The following CCL16 variants were observed in gnomAD, a reference collection of about 807,000 sequenced individuals.
The protein encoded by CCL16 is C-C motif chemokine ligand 16.
CCL16 carries 6 observed loss-of-function variants against 7.5 expected under a neutral mutation model. The ratio of observed to expected loss-of-function variants is 0.80; its 90% CI spans 0.44 to 1.57. The LOEUF (loss-of-function observed/expected upper bound fraction) is 1.57. CCL16 is among the 40% of genes most tolerant of loss of function. CCL16 has a pLI of 0.01. For missense variants in CCL16, 134 were observed against 142.9 expected (o/e 0.94, Z 0.32); for synonymous variants, 60 against 57.7 (o/e 1.04, Z -0.18).
chr17:35,980,879 C>T (rs912886342), intron 1 of CCL16, among the ~76,000 whole-genome samples: 1 of 152,182 alleles, frequency 6.6e-6, no homozygotes, highest in Non-Finnish European at 1.5e-5. Context: ...CTGTGCCAGC[C>T]ATGTTGAGGA....
At chr17:35,979,141 AAG>A (rs991257767) in intron 1 of CCL16, among the ~76,000 whole-genome samples, 2 of 138,664 alleles carry the variant, frequency 1.4e-5, no homozygotes, top group Non-Finnish European at 3.1e-5. Flanking sequence ...AAAAAAAAAA[AAG>A]GATTTAGACA....
rs928640914 is a variant in CCL16, at chr17:35,976,959, C to T, written c.*607G>A. The T allele has an allele frequency of 3.3e-5, 5 of 152,296 alleles. No individual in the cohort carries two copies. Among genetic ancestry groups the T allele is most frequent in the Non-Finnish European group, 5.9e-5 (4 of 68,200 alleles). 9.4% of individuals were successfully genotyped at this position (152,296 alleles called of 1,614,324 possible). ...CTAAGTATTTAGAATGGCTTGTGTA[C>T]TGGTGTGAAGTGAGGAATTGAAAGA... On this transcript the variant is annotated 3_prime_UTR_variant, in exon 3 of 3. Coordinates refer to ENST00000611905, the MANE Select transcript of CCL16 (RefSeq NM_004590.4).
In CCL16 at chr17:35,978,282, A is replaced by G; in HGVS notation, c.77-19T>C. 8 of 1,614,166 alleles carry G rather than the reference A, an allele frequency of 5.0e-6. No individual in the cohort carries two copies. The highest frequency in any genetic ancestry group is 6.8e-6 in the Non-Finnish European group (8 of 1,179,992). On this transcript the variant is annotated intron_variant, in intron 1 of 2. Coordinates refer to ENST00000611905, the MANE Select transcript of CCL16 (RefSeq NM_004590.4). ...GGAACTTCTGAAGGAATCACATTGC[A>G]AGCTGAGCCAGGGAAGCAGAGGGGA...
In CCL16 at chr17:35,978,166, G is replaced by A. The variant is rs780155359; in HGVS notation, c.174C>T (p.Leu58=). The part of the protein sequence containing the change: ...RRLVVGYRKA[L]NCHLPAIIFV... Reference sequence around the variant, plus strand: ...ACATGATTGCTGGCAGGTGACAGTTGAGGGCCTTTCTGTATCCCACCACTA... The same window carrying A: ...ACATGATTGCTGGCAGGTGACAGTTAAGGGCCTTTCTGTATCCCACCACTA... Residue 58 remains leucine, a synonymous_variant, in exon 2 of 3, where the codon CTC becomes CTT. Transcript: ENST00000611905. The A allele has an allele frequency of 4.3e-6, 7 of 1,614,074 alleles. No homozygotes were observed. The highest frequency in any genetic ancestry group is 5.9e-6 in the Non-Finnish European group (7 of 1,180,042).
chr17:35,981,057 T>G (rs1226552918), intron 1 of CCL16, among the ~76,000 whole-genome samples: 1 of 152,124 alleles, frequency 6.6e-6, no homozygotes, highest in Non-Finnish European at 1.5e-5. Context: ...CATTTTCTGC[T>G]GCTTTCTTGG....
rs1169139529 is a variant in CCL16, at chr17:35,981,386, A to G, written c.35T>C (p.Val12Ala). ...KVSEAALSLL[V>A]LILIITSASR... ...AGCCGAAGTAATGATAAGGATGAGG[A>G]CAAGGAGAGACAGGGCAGCCTCGGA... The change falls in exon 1 of 3, where the codon GTC becomes GCC. Residue 12 changes from valine to alanine, a missense_variant. Transcript: ENST00000611905. 4 of 1,613,036 alleles carry G rather than the reference A, an allele frequency of 2.5e-6. No individual in the cohort carries two copies. Among genetic ancestry groups the G allele is most frequent in the African/African-American group, 1.3e-5 (1 of 75,012 alleles).
At chr17:35,977,806 C>A in intron 2 of CCL16, 75 bp from the exon 3 acceptor site, 1 of 1,502,286 alleles carries the variant, frequency 6.7e-7, no homozygotes, top group Non-Finnish European at 9.1e-7. Flanking sequence ...ACCTCTGGTT[C>A]ACATGGAGCT....
In CCL16 at chr17:35,978,227, C is replaced by T. The variant is rs2089655365; in HGVS notation, c.113G>A (p.Cys38Tyr). Residue 38 changes from cysteine to tyrosine, a missense_variant, in exon 2 of 3, where the codon TGC becomes TAC. Coordinates refer to ENST00000611905, the MANE Select transcript of CCL16 (RefSeq NM_004590.4). ...CAACACTTTCTCATAATACTTCAGGCAGCAGGTGGATGGGGTGTTCACCCA... is the reference window on the plus strand; with the variant it reads ...CAACACTTTCTCATAATACTTCAGGTAGCAGGTGGATGGGGTGTTCACCCA... ...PEWVNTPSTCCLKYYEKVLPR... is the reference protein window; with the variant it reads ...PEWVNTPSTCYLKYYEKVLPR... 2 of 1,614,112 alleles carry T rather than the reference C, an allele frequency of 1.2e-6. No homozygotes were observed. Among genetic ancestry groups the T allele is most frequent in the Non-Finnish European group, 8.5e-7 (1 of 1,180,030 alleles).
chr17:35,980,045 C>A (rs1267749492), intron 1 of CCL16, among the ~76,000 whole-genome samples: 1 of 152,222 alleles, frequency 6.6e-6, no homozygotes, highest in Non-Finnish European at 1.5e-5. Flanking sequence ...CCAAAGAGCA[C>A]TGTTCCCCCC....
At chr17:35,978,406 T>C in intron 1 of CCL16, 143 bp from the exon 2 acceptor site, 1 of 1,097,662 alleles carries the variant, frequency 9.1e-7, no homozygotes, top group Non-Finnish European at 1.3e-6. Context: ...TGACTGGTAA[T>C]GAAGTGCATA....
intron 1 of CCL16, 112 bp from the exon 2 acceptor site, chr17:35,978,375 TA>T: frequency 7.1e-7 from 1 of 1,404,950 alleles, no homozygotes; most frequent in East Asian, 2.3e-5. Context: ...AGCCGTCTGT[TA>T]GAGGAGACCA....
At chr17:35,978,869 A>T (rs140369459) in intron 1 of CCL16, 1 of 152,922 alleles carries the variant, frequency 6.5e-6, no homozygotes, top group African/African-American at 2.4e-5. Context: ...GTGGTGGCTC[A>T]TGCCTGTAAT....
At position 35,977,376 on chromosome 17, in the gene CCL16, T is replaced by G. The variant is rs2089645984; in HGVS notation, c.*190A>C. On this transcript the variant is annotated 3_prime_UTR_variant, in exon 3 of 3. Transcript: ENST00000611905. ...ATATAAAAATAAAAGAGCGTACCTC[T>G]GCCCACGTCCCTTAACTTTGGTATT... 2.2e-6 allele frequency: 1 copy of G among 445,542 alleles called. No individual in the cohort carries two copies. Among genetic ancestry groups the G allele is most frequent in the South Asian group, 7.6e-5 (1 of 13,212 alleles). 27.6% of individuals were successfully genotyped at this position (445,542 alleles called of 1,614,324 possible).
intron 1 of CCL16, among the ~76,000 whole-genome samples, chr17:35,981,012 C>T (rs1323367636): frequency 6.6e-6 from 1 of 152,166 alleles, no homozygotes; most frequent in Non-Finnish European, 1.5e-5. Context: ...ATCCGCGTGC[C>T]TCCCCCTCCC....
chr17:35,977,814 G>A (rs1377034845), intron 2 of CCL16, 83 bp from the exon 3 acceptor site: 4 of 1,466,454 alleles, frequency 2.7e-6, no homozygotes, highest in African/African-American at 1.4e-5. Context: ...TTCACATGGA[G>A]CTCACCTTAT....
At chr17:35,979,565 G>A (rs532249417) in intron 1 of CCL16, among the ~76,000 whole-genome samples, 1 of 152,110 alleles carries the variant, frequency 6.6e-6, no homozygotes, top group African/African-American at 2.4e-5. Context: ...CTATTAAGTG[G>A]GGGTAAATGA....
At chr17:35,978,487 T>A (rs1452086818) in intron 1 of CCL16, among the ~76,000 whole-genome samples, 1 of 152,220 alleles carries the variant, frequency 6.6e-6, no homozygotes, top group Non-Finnish European at 1.5e-5. Context: ...TACAAATGAC[T>A]TAGTTATTCA....
At position 35,978,153 on chromosome 17, in the gene CCL16, G is replaced by T. The variant is rs772761377; in HGVS notation, c.187C>A (p.Pro63Thr). The T allele has an allele frequency of 1.9e-6, 3 of 1,614,144 alleles. No individual in the cohort carries two copies. ...AAAGGACGTGCTTACATGATTGCTG[G>T]CAGGTGACAGTTGAGGGCCTTTCTG... is the stretch of plus-strand genomic sequence containing the variant. Reference protein sequence around the residue: ...GYRKALNCHLPAIIFVTKRNR... With the variant: ...GYRKALNCHLTAIIFVTKRNR... The change falls in exon 2 of 3, where the codon CCA becomes ACA. Residue 63 changes from proline (P) to threonine (T), a missense_variant. Physicochemically the swap from Pro to Thr is conservative, Grantham distance 38 (BLOSUM62 -1). Transcript: ENST00000611905.
chr17:35,979,957 C>A (rs776441875), intron 1 of CCL16, among the ~76,000 whole-genome samples: 19 of 152,330 alleles, frequency 1.2e-4, no homozygotes, highest in Admixed American at 4.6e-4. Context: ...AGAGCACCAT[C>A]TTGCTGATCC....
Sources: allele counts gnomAD v4.1 joint callset (sites outside exome capture counted in the v4.1 genomes callset), GRCh38; gene constraint gnomAD v4.1.1; transcripts MANE v1.5; gene names NCBI Gene and HGNC (gene_info 2026-07-23, HGNC 2026-07-21).